The following CRACD variants were observed in gnomAD, a reference collection of about 807,000 sequenced individuals.
CRACD encodes capping protein-inhibiting regulator of actin dynamics.
Under a neutral mutation model 106.8 loss-of-function variants are expected in CRACD, and 56 were observed. The ratio of observed to expected loss-of-function variants is 0.52; its 90% CI spans 0.42 to 0.66. The LOEUF is 0.66. Among genes scored for constraint, CRACD ranks in the 30% least tolerant of loss-of-function variants. The pLI, the probability that CRACD is intolerant of heterozygous loss-of-function variation, is 0.00. For missense variants in CRACD, 1,730 were observed against 1,623.2 expected, an observed-to-expected ratio of 1.07 and a Z score of -1.13; for synonymous variants, 754 against 670.8, an observed-to-expected ratio of 1.12 and a Z score of -1.92.
At chr4:56,283,158 C>T (rs1743125427) in intron 3 of CRACD, among the ~76,000 whole-genome samples, 1 of 152,074 alleles carries the variant, frequency 6.6e-6, no homozygotes, top group African/African-American at 2.4e-5. Flanking sequence ...TTTCAGCATC[C>T]CAGGACCATG....
At chr4:56,265,346 A>G (rs192964008) in intron 2 of CRACD, among the ~76,000 whole-genome samples, 2 of 152,142 alleles carry the variant, frequency 1.3e-5, no homozygotes, top group African/African-American at 4.8e-5. Context: ...AGTAGCCCAA[A>G]ATGCTTGTCA....
intron 2 of CRACD, among the ~76,000 whole-genome samples, chr4:56,213,841 T>C (rs765736297): frequency 2.0e-5 from 3 of 152,228 alleles, no homozygotes; most frequent in Non-Finnish European, 4.4e-5. Context: ...AGAAACCTTT[T>C]GGCTGAATTT....
At chr4:56,221,615 G>C (rs954491700) in intron 2 of CRACD, among the ~76,000 whole-genome samples, 1 of 151,816 alleles carries the variant, frequency 6.6e-6, no homozygotes, top group South Asian at 2.1e-4. Flanking sequence ...ATCTAAGAAA[G>C]GACTCATATT....
chr4:56,089,845 C>G (rs968596324), intron 1 of CRACD, among the ~76,000 whole-genome samples: 1 of 152,006 alleles, frequency 6.6e-6, no homozygotes, highest in African/African-American at 2.4e-5. Flanking sequence ...ACTAGGTTCC[C>G]GACTGAATTG....
intron 2 of CRACD, among the ~76,000 whole-genome samples, chr4:56,268,048 G>T (rs1742132627): frequency 6.6e-6 from 1 of 152,174 alleles, no homozygotes; most frequent in South Asian, 2.1e-4. Context: ...AATGTGACCA[G>T]TGCAGCAAAT....
chr4:56,174,777 T>C (rs1287195358), intron 1 of CRACD, among the ~76,000 whole-genome samples: 1 of 152,196 alleles, frequency 6.6e-6, no homozygotes, highest in African/African-American at 2.4e-5. Flanking sequence ...GTTTTCACAC[T>C]GATATAAAGA....
intron 1 of CRACD, among the ~76,000 whole-genome samples, chr4:56,171,873 A>G (rs1322216372): frequency 6.6e-6 from 1 of 152,106 alleles, no homozygotes; most frequent in Non-Finnish European, 1.5e-5. Context: ...CCACCTTTAT[A>G]GCTCCAAACA....
chr4:56,117,017 ATT>A (rs751420774), intron 1 of CRACD, among the ~76,000 whole-genome samples: 20 of 96,254 alleles, frequency 2.1e-4, no homozygotes, highest in African/African-American at 3.1e-4. Context: ...CGAATTTTTA[ATT>A]TTTTTTTTTT....
chr4:56,091,141 C>T (rs887060912), intron 1 of CRACD, among the ~76,000 whole-genome samples: 2 of 152,074 alleles, frequency 1.3e-5, no homozygotes, highest in South Asian at 2.1e-4. Context: ...CAGCCTTGAA[C>T]TCCTGGGCTC....
At chr4:56,124,257 G>A (rs1734586913) in intron 1 of CRACD, among the ~76,000 whole-genome samples, 1 of 152,104 alleles carries the variant, frequency 6.6e-6, no homozygotes, top group African/African-American at 2.4e-5. Context: ...TTTTAATGAT[G>A]GAAATGTCTG....
At chr4:56,055,032 A>G (rs574917406) in intron 1 of CRACD, among the ~76,000 whole-genome samples, 3 of 152,248 alleles carry the variant, frequency 2.0e-5, no homozygotes, top group Non-Finnish European at 4.4e-5. Flanking sequence ...CACTTTAAAA[A>G]ATATTTAAAT....
chr4:56,221,082 A>G (rs995878202), intron 2 of CRACD, among the ~76,000 whole-genome samples: 4 of 152,112 alleles, frequency 2.6e-5, no homozygotes, highest in Non-Finnish European at 5.9e-5. Flanking sequence ...TTAGGGCTAG[A>G]TTATGAAAGA....
At chr4:56,194,399 G>A (rs1248119073) in intron 2 of CRACD, among the ~76,000 whole-genome samples, 1 of 152,168 alleles carries the variant, frequency 6.6e-6, no homozygotes, top group Non-Finnish European at 1.5e-5. Flanking sequence ...ATACATAAAA[G>A]GAATCAAAAT....
chr4:56,238,713 A>G (rs1740156964), intron 2 of CRACD, among the ~76,000 whole-genome samples: 1 of 152,224 alleles, frequency 6.6e-6, no homozygotes, highest in Non-Finnish European at 1.5e-5. Flanking sequence ...ACTGCTAAAG[A>G]AGGATGTTAT....
chr4:56,128,426 T>C (rs757181390), intron 1 of CRACD, among the ~76,000 whole-genome samples: 1 of 152,156 alleles, frequency 6.6e-6, no homozygotes, highest in Non-Finnish European at 1.5e-5. Context: ...AATTCTGAAA[T>C]TTTTTTGGCC....
intron 1 of CRACD, among the ~76,000 whole-genome samples, chr4:56,078,337 G>A (rs1008974797): frequency 6.6e-6 from 1 of 152,136 alleles, no homozygotes; most frequent in African/African-American, 2.4e-5. Flanking sequence ...TAAAACATGA[G>A]TATTGACTGA....
At chr4:56,257,855 AG>A (rs1035703148) in intron 2 of CRACD, among the ~76,000 whole-genome samples, 6 of 152,118 alleles carry the variant, frequency 3.9e-5, no homozygotes, top group African/African-American at 1.4e-4. Context: ...GCAGATCACA[AG>A]GTCAAGAGAT....
chr4:56,276,164 A>G (rs952686291), intron 3 of CRACD, among the ~76,000 whole-genome samples: 1 of 152,342 alleles, frequency 6.6e-6, no homozygotes, highest in African/African-American at 2.4e-5. Context: ...GCAATAAAAC[A>G]TGATCCATTT....
In CRACD at chr4:56,175,325, G is replaced by A. The variant is rs182776059; in HGVS notation, c.-335-3959G>A. On this transcript the variant is annotated intron_variant, in intron 1 of 10. Coordinates refer to ENST00000682029, the MANE Select transcript of CRACD (RefSeq NM_001393381.1). Reference sequence around the variant, plus strand: ...AACATTCTCCTTTCTCTGCATCCTTGCCAGCATATGTTACTTCCTATCTTT... The same window carrying A: ...AACATTCTCCTTTCTCTGCATCCTTACCAGCATATGTTACTTCCTATCTTT... Among the ~76,000 whole-genome samples the A allele has an allele frequency of 4.6e-5, 7 of 152,136 alleles. 1 individual carries two copies. The East Asian group carries it at 1.4e-3, about 29-fold the overall frequency.
Sources: gnomAD v4.1 joint callset for allele counts (sites outside exome capture counted in the v4.1 genomes callset) on GRCh38, gnomAD v4.1.1 for gene constraint, MANE v1.5 for transcripts, NCBI Gene and HGNC (gene_info 2026-07-23, HGNC 2026-07-21) for gene names.